The following UGT2B28 variants were observed in gnomAD, a reference collection of about 807,000 sequenced individuals.
The protein encoded by UGT2B28 is UDP glucuronosyltransferase family 2 member B28.
A neutral mutation model predicts 43.6 loss-of-function variants in UGT2B28; 45 were observed. That is an observed-to-expected ratio of 1.03 (90% confidence interval 0.81 to 1.32). UGT2B28 has a LOEUF of 1.32. Among genes scored for constraint, UGT2B28 ranks in the 40% most tolerant of loss-of-function variants. The pLI is 0.00. For synonymous variants in UGT2B28, 204 were observed against 208.1 expected, an observed-to-expected ratio of 0.98 and a Z score of 0.17; for missense variants, 649 against 625.5, an observed-to-expected ratio of 1.04 and a Z score of -0.40.
chr4:69,285,895 C>T (rs1379238258), intron 2 of UGT2B28, among the ~76,000 whole-genome samples: 1 of 141,074 alleles, frequency 7.1e-6, no homozygotes, highest in Non-Finnish European at 1.5e-5. Flanking sequence ...AGTGCTGCCT[C>T]TGAGACACAA....
In UGT2B28 at chr4:69,283,230, G is replaced by A. The variant is rs1485634050; in HGVS notation, c.870+568G>A. Among the ~76,000 whole-genome samples, 2 of 138,920 alleles carry A rather than the reference G, an allele frequency of 1.4e-5. 1 individual carries two copies. The highest frequency in any genetic ancestry group is 5.6e-5 in the African/African-American group (2 of 35,408). The allele number at this position is 138,920 out of a possible 152,430, so 91.1% of individuals were successfully genotyped here. On this transcript the variant is annotated intron_variant, in intron 2 of 5. Coordinates refer to ENST00000335568, the MANE Select transcript of UGT2B28 (RefSeq NM_053039.2). ...ATGGCGGGGAGAGGCAGACAAAAAG[G>A]GAAAGCAGATAAAGTGGTCAGGACA...
chr4:69,285,022 T>A (rs1241955015), intron 2 of UGT2B28, among the ~76,000 whole-genome samples: 1 of 140,108 alleles, frequency 7.1e-6, no homozygotes, highest in African/African-American at 2.8e-5. Context: ...TGATTAAAAT[T>A]TATTTGCATA....
intron 3 of UGT2B28, among the ~76,000 whole-genome samples, chr4:69,288,983 T>C (rs1723862164): frequency 7.1e-6 from 1 of 140,872 alleles, no homozygotes; most frequent in East Asian, 2.0e-4. Flanking sequence ...CTTCATTCAG[T>C]CCATAATTGA....
In UGT2B28 at chr4:69,281,161, G is replaced by A; in HGVS notation, c.661G>A (p.Asp221Asn). The A allele has an allele frequency of 6.5e-7, 1 of 1,549,762 alleles. No individual in the cohort carries two copies. The highest frequency in any genetic ancestry group is 8.7e-7 in the Non-Finnish European group (1 of 1,152,128). Reference sequence around the variant, plus strand: ...AAACATGATCTATGTGCTTTATTTTGACTTTTGGTTCCAAATGTGTGATAT... The same window carrying A: ...AAACATGATCTATGTGCTTTATTTTAACTTTTGGTTCCAAATGTGTGATAT... ...VKNMIYVLYF[D>N]FWFQMCDMKK... is the part of the protein sequence containing the mutation. Residue 221 changes from aspartate (D) to asparagine (N), a missense_variant, in exon 1 of 6, where the codon GAC (aspartate) becomes AAC (asparagine). Physicochemically the swap from Asp to Asn is conservative, Grantham distance 23. Coordinates refer to ENST00000335568, the MANE Select transcript of UGT2B28 (RefSeq NM_053039.2).
chr4:69,287,003 A>T, intron 3 of UGT2B28, 120 bp downstream of exon 3: 1 of 1,439,698 alleles, frequency 6.9e-7, no homozygotes, highest in Non-Finnish European at 9.1e-7. Flanking sequence ...ACAGTCTTAA[A>T]TATCTTGTGT....
intron 1 of UGT2B28, among the ~76,000 whole-genome samples, chr4:69,281,981 T>C (rs1723626232): frequency 7.1e-6 from 1 of 140,564 alleles, no homozygotes; most frequent in Non-Finnish European, 1.5e-5. Context: ...AATGATAATA[T>C]TATTAAGATC....
Position 69,280,818 on chromosome 4 carries a change from G to A in UGT2B28, c.318G>A (p.Trp106Ter). The A allele has an allele frequency of 1.3e-6, 2 of 1,565,346 alleles. No individual in the cohort carries two copies. The highest frequency in any genetic ancestry group is 1.7e-6 in the Non-Finnish European group (2 of 1,157,580). Residue 106 changes from tryptophan (W) to a stop codon, truncating the protein, a stop_gained, in exon 1 of 6, where the codon TGG becomes TGA. Transcript: ENST00000335568. LOFTEE classifies it high-confidence loss of function. The part of the protein sequence containing the change: ...RWSDIQKDSF[W>*]LYFSQEQEIL... Reference sequence around the variant, plus strand: ...CAGACATTCAAAAAGATAGCTTTTGGTTATATTTTTCACAAGAACAAGAAA... The same window carrying A: ...CAGACATTCAAAAAGATAGCTTTTGATTATATTTTTCACAAGAACAAGAAA...
At chr4:69,289,829 C>G in intron 4 of UGT2B28, 77 bp downstream of exon 4, 1 of 1,334,130 alleles carries the variant, frequency 7.5e-7, no homozygotes, top group South Asian at 1.5e-5. Context: ...TTGAAACATG[C>G]TTATTGAATA....
Position 69,280,627 on chromosome 4 carries a change from C to A in UGT2B28, c.127C>A (p.Leu43Met). 6.4e-7 allele frequency: 1 copy of A among 1,561,154 alleles called. No individual in the cohort carries two copies. Among genetic ancestry groups the A allele is most frequent in the Non-Finnish European group, 8.7e-7 (1 of 1,156,054 alleles). ...CCATTGGATGAATATGAAGACAATCCTGAAAGAGCTTGTTCAGAGAGGTCA... is the reference window on the plus strand; with the variant it reads ...CCATTGGATGAATATGAAGACAATCATGAAAGAGCTTGTTCAGAGAGGTCA... The part of the protein sequence containing the change: ...YSHWMNMKTI[L>M]KELVQRGHEV... The change falls in exon 1 of 6, where the codon CTG becomes ATG. Residue 43 changes from leucine to methionine, a missense_variant. By Grantham distance (15) the Leu-to-Met change is conservative. Transcript: ENST00000335568.
rs1430436046 is a variant in UGT2B28, at chr4:69,292,354, G to A, written c.1310+1543G>A. Among the ~76,000 whole-genome samples, 2 of 140,024 alleles carry A rather than the reference G, an allele frequency of 1.4e-5. 1 individual carries two copies. The highest frequency in any genetic ancestry group is 1.4e-4 in the Admixed American group (2 of 13,932). The allele number at this position is 140,024 out of a possible 152,430, so 91.9% of individuals were successfully genotyped here. A position where few individuals can be genotyped will look rare whatever the true frequency, so the allele number is the denominator to read the frequency against. The stretch of plus-strand genomic sequence containing the variant: ...TAAGGAGGGTATCATCTAAAGGAAT[G>A]CTTTAAAAATACTTTATCCCAAAGA... On this transcript the variant is annotated intron_variant, in intron 5 of 5. Transcript: ENST00000335568.
rs1329151893 is a variant in UGT2B28 at position 69,294,988 on chromosome 4, G to C, written c.*179G>C. The C allele has an allele frequency of 2.5e-6, 2 of 790,382 alleles. No individual in the cohort carries two copies. The highest frequency in any genetic ancestry group is 4.2e-5 in the African/African-American group (2 of 47,624). The allele number at this position is 790,382 out of a possible 1,614,324, so 49.0% of individuals were successfully genotyped here. ...TTCAGAGATTTACCACCCAGGTAAT[G>C]GTTAGAAATATTCTGTGGCAATGAA... On this transcript the variant is annotated 3_prime_UTR_variant, in exon 6 of 6. Coordinates refer to ENST00000335568, the MANE Select transcript of UGT2B28 (RefSeq NM_053039.2).
At position 69,281,102 on chromosome 4, in the gene UGT2B28, T is replaced by A; in HGVS notation, c.602T>A (p.Leu201Ter). The A allele has an allele frequency of 6.4e-7, 1 of 1,559,658 alleles. No homozygotes were observed. The highest frequency in any genetic ancestry group is 8.7e-7 in the Non-Finnish European group (1 of 1,155,368). The change falls in exon 1 of 6, where the codon TTA becomes TAA. Residue 201 changes from leucine (L) to a stop codon, truncating the protein, a stop_gained. Coordinates refer to ENST00000335568, the MANE Select transcript of UGT2B28 (RefSeq NM_053039.2). LOFTEE classifies it high-confidence loss of function. ...TACATACCTGTTGTTATGTCAAAAT[T>A]AAGTGATCAAATGACTTTCATGGAG... is the stretch of plus-strand genomic sequence containing the variant. The part of the protein sequence containing the change: ...PSYIPVVMSK[L>*]SDQMTFMERV...
At position 69,289,867 on chromosome 4, in the gene UGT2B28, C is replaced by A. The variant is rs1723897952; in HGVS notation, c.1090+115C>A. The A allele has an allele frequency of 3.5e-6, 4 of 1,149,516 alleles. 1 individual carries two copies. Among genetic ancestry groups the A allele is most frequent in the Middle Eastern group, 2.9e-4 (1 of 3,446 alleles). 71.2% of individuals were successfully genotyped at this position (1,149,516 alleles called of 1,614,324 possible). On this transcript the variant is annotated intron_variant, in intron 4 of 5. Coordinates refer to ENST00000335568, the MANE Select transcript of UGT2B28 (RefSeq NM_053039.2). ...TATTATAGGAAAACAAAAAGAACTT[C>A]TTTGTATTTATTTTCCAGTCCTAGG... is the stretch of plus-strand genomic sequence containing the variant.
Position 69,290,788 on chromosome 4 carries a change from G to A in UGT2B28, c.1287G>A (p.Leu429=). Residue 429 remains leucine (L), a synonymous_variant, in exon 5 of 6, where the codon CTG becomes CTA. Coordinates refer to ENST00000335568, the MANE Select transcript of UGT2B28 (RefSeq NM_053039.2). ...CGAGTACAGACCTGCTGAATGCACT[G>A]AAGACAGTAATTAATGATCCTTCGT... is the stretch of plus-strand genomic sequence containing the variant. ...TMSSTDLLNA[L]KTVINDPSYK... is the part of the protein sequence containing the mutation. The A allele has an allele frequency of 6.4e-7, 1 of 1,559,574 alleles. No individual in the cohort carries two copies. The highest frequency in any genetic ancestry group is 8.7e-7 in the Non-Finnish European group (1 of 1,155,016).
intron 5 of UGT2B28, among the ~76,000 whole-genome samples, chr4:69,293,971 T>C (rs1452209580): frequency 7.1e-6 from 1 of 140,554 alleles, no homozygotes; most frequent in East Asian, 2.0e-4. Context: ...CTCGCCATGA[T>C]AAAATTCCTT....
At position 69,280,760 on chromosome 4, in the gene UGT2B28, A is replaced by G. The variant is rs1441985550; in HGVS notation, c.260A>G (p.Glu87Gly). The G allele has an allele frequency of 6.4e-7, 1 of 1,565,642 alleles. No individual in the cohort carries two copies. Among genetic ancestry groups the G allele is most frequent in the South Asian group, 1.2e-5 (1 of 84,802 alleles). The change falls in exon 1 of 6, where the codon GAG (glutamate) becomes GGG (glycine). Residue 87 changes from glutamate (E) to glycine (G), a missense_variant. Coordinates refer to ENST00000335568, the MANE Select transcript of UGT2B28 (RefSeq NM_053039.2). ...YPTSLTKTEF[E>G]NIIMQQVKRW... ...ACATCTTTAACTAAAACTGAATTTGAGAATATCATCATGCAACAGGTTAAG... is the reference window on the plus strand; with the variant it reads ...ACATCTTTAACTAAAACTGAATTTGGGAATATCATCATGCAACAGGTTAAG...
At chr4:69,293,636 GA>G (rs1195742050) in intron 5 of UGT2B28, among the ~76,000 whole-genome samples, 3 of 139,574 alleles carry the variant, frequency 2.1e-5, no homozygotes, top group South Asian at 2.4e-4. Context: ...CCAAGAGCAG[GA>G]GAGAAGGAAC....
rs1425733069 is a variant in UGT2B28, at chr4:69,294,835, A to C, written c.*26A>C. ...TTATGTCTGACATTTGAAGCTGGAA[A>C]ACCAGATAGATGGGTTGACATCAGT... On this transcript the variant is annotated 3_prime_UTR_variant, in exon 6 of 6. Transcript: ENST00000335568. 2 of 1,528,556 alleles carry C rather than the reference A, an allele frequency of 1.3e-6. 1 individual carries two copies. The highest frequency in any genetic ancestry group is 1.8e-6 in the Non-Finnish European group (2 of 1,141,116). The allele number at this position is 1,528,556 out of a possible 1,614,324, so 94.7% of individuals were successfully genotyped here. A position where few individuals can be genotyped will look rare whatever the true frequency, so the allele number is the denominator to read the frequency against.
At position 69,280,937 on chromosome 4, in the gene UGT2B28, A is replaced by G. The variant is rs1332492989; in HGVS notation, c.437A>G (p.Asp146Gly). Residue 146 changes from aspartate (D) to glycine (G), a missense_variant, in exon 1 of 6, where the codon GAC becomes GGC. By Grantham distance (94) the Asp-to-Gly change is moderately conservative (BLOSUM62 -1). Transcript: ENST00000335568. ...AAAAAACTACAAGAGTCAAGATTTG[A>G]CATCATTTTTGCAGATGCTTTTTTT... is the stretch of plus-strand genomic sequence containing the variant. ...VMKKLQESRF[D>G]IIFADAFFPC... 1.9e-6 allele frequency: 3 copies of G among 1,560,500 alleles called. No homozygotes were observed. The highest frequency in any genetic ancestry group is 3.6e-5 in the Admixed American group (2 of 56,330).
Sources: allele counts gnomAD v4.1 joint callset (sites outside exome capture counted in the v4.1 genomes callset), GRCh38; gene constraint gnomAD v4.1.1; transcripts MANE v1.5; gene names NCBI Gene and HGNC (gene_info 2026-07-23, HGNC 2026-07-21).